ULK4: variants seen among roughly 807,000 people sequenced by gnomAD.
ULK4 encodes the protein unc-51 like kinase 4.
A neutral mutation model predicts 160.6 loss-of-function variants in ULK4; 133 were observed. The observed-to-expected ratio is 0.83, with a 90% confidence interval of 0.72 to 0.96. The LOEUF (loss-of-function observed/expected upper bound fraction) is 0.96. Among genes scored for constraint, ULK4 ranks in the 40% least tolerant of loss-of-function variants. The pLI, the probability that ULK4 is intolerant of heterozygous loss-of-function variation, is 0.00. For synonymous variants in ULK4, 534 were observed against 539.8 expected, an observed-to-expected ratio of 0.99 and a Z score of 0.15; for missense variants, 1,580 against 1,499.5, an observed-to-expected ratio of 1.05 and a Z score of -0.89.
intron 32 of ULK4, among the ~76,000 whole-genome samples, chr3:41,506,302 G>A (rs2085370101): frequency 6.6e-6 from 1 of 152,146 alleles, no homozygotes; most frequent in African/African-American, 2.4e-5. Flanking sequence ...CCAGGCTGCT[G>A]TATCTATCTT....
chr3:41,354,096 C>T (rs1289855074), intron 35 of ULK4, among the ~76,000 whole-genome samples: 1 of 152,156 alleles, frequency 6.6e-6, no homozygotes, highest in African/African-American at 2.4e-5. Flanking sequence ...GCCAAGGAAA[C>T]TCATCCCAGA....
chr3:41,847,666 C>T (rs779198041), intron 17 of ULK4, among the ~76,000 whole-genome samples: 1 of 152,168 alleles, frequency 6.6e-6, no homozygotes, highest in African/African-American at 2.4e-5. Flanking sequence ...ACACTACTTT[C>T]AATGACACAA....
intron 17 of ULK4, chr3:41,859,477 A>C: frequency 7.3e-6 from 4 of 549,010 alleles, no homozygotes; most frequent in South Asian, 5.5e-5. Context: ...GGTCACCAAT[A>C]TGGTAATGAT....
chr3:41,454,979 T>G (rs1032844625), intron 34 of ULK4, among the ~76,000 whole-genome samples: 5 of 152,156 alleles, frequency 3.3e-5, no homozygotes, highest in African/African-American at 1.2e-4. Flanking sequence ...TAAAACTGTT[T>G]AATACGTCCA....
chr3:41,528,960 T>G (rs2086211935), intron 32 of ULK4, among the ~76,000 whole-genome samples: 1 of 152,192 alleles, frequency 6.6e-6, no homozygotes, highest in Non-Finnish European at 1.5e-5. Context: ...AGCCTTCACA[T>G]GTACCTCCAA....
intron 18 of ULK4, among the ~76,000 whole-genome samples, chr3:41,834,386 C>G (rs2041691802): frequency 6.6e-6 from 1 of 151,966 alleles, no homozygotes. Context: ...AGTACAATTC[C>G]AAATGTGATT....
At chr3:41,683,377 G>A (rs2035984906) in intron 27 of ULK4, among the ~76,000 whole-genome samples, 1 of 151,840 alleles carries the variant, frequency 6.6e-6, no homozygotes, top group South Asian at 2.1e-4. Flanking sequence ...ATTCATTCAG[G>A]GCTTGTCTGC....
At chr3:41,600,698 T>C (rs1393553361) in intron 31 of ULK4, among the ~76,000 whole-genome samples, 1 of 152,210 alleles carries the variant, frequency 6.6e-6, no homozygotes, top group Non-Finnish European at 1.5e-5. Flanking sequence ...TAACTTACAC[T>C]ATACTGGATT....
chr3:41,935,223 T>A (rs1204466728), intron 4 of ULK4, among the ~76,000 whole-genome samples: 567 of 10,020 alleles, frequency 0.057, 15 homozygotes, highest in African/African-American at 0.082. Context: ...TTTTTTTTTT[T>A]TTTTTTTTTT....
chr3:41,394,367 A>T (rs1257915764), intron 35 of ULK4, among the ~76,000 whole-genome samples: 1 of 152,088 alleles, frequency 6.6e-6, no homozygotes, highest in African/African-American at 2.4e-5. Flanking sequence ...CAAGTGTACT[A>T]ACCTCAGTAC....
intron 31 of ULK4, among the ~76,000 whole-genome samples, chr3:41,578,777 A>T (rs2029929543): frequency 6.6e-6 from 1 of 152,232 alleles, no homozygotes; most frequent in Non-Finnish European, 1.5e-5. Context: ...TATGTGCTGG[A>T]CAAGTGGGAA....
rs577520166 is a variant in ULK4, at chr3:41,280,207, A to G, written c.3679-30633T>C. On this transcript the variant is annotated intron_variant, in intron 35 of 36. Transcript: ENST00000301831. ...AGACTTAGACTCCTACACAATAATAATGGGAGACTTTAATACCACATTGTC... is the reference window on the plus strand; with the variant it reads ...AGACTTAGACTCCTACACAATAATAGTGGGAGACTTTAATACCACATTGTC... 2.3e-4 allele frequency among the ~76,000 whole-genome samples: 35 copies of G among 152,306 alleles called. 1 individual carries two copies. The South Asian group carries it at 6.4e-3, about 28-fold the overall frequency.
At chr3:41,841,812 G>A (rs2041935682) in intron 17 of ULK4, among the ~76,000 whole-genome samples, 2 of 152,158 alleles carry the variant, frequency 1.3e-5, no homozygotes, top group Admixed American at 1.3e-4. Context: ...CTTCTGCCTT[G>A]GGATGCTGTT....
chr3:41,411,450 CAG>C (rs2082408063), intron 34 of ULK4, among the ~76,000 whole-genome samples: 1 of 143,806 alleles, frequency 7.0e-6, no homozygotes, highest in African/African-American at 2.7e-5. Flanking sequence ...TATTTTGAGA[CAG>C]AGTCTCACTC....
intron 35 of ULK4, among the ~76,000 whole-genome samples, chr3:41,256,319 C>T (rs1315041653): frequency 6.6e-6 from 1 of 152,182 alleles, no homozygotes; most frequent in Admixed American, 6.5e-5. Context: ...ATTTAGCCAT[C>T]ATACTACCCA....
At chr3:41,762,318 C>T (rs2039008987) in intron 21 of ULK4, among the ~76,000 whole-genome samples, 1 of 152,058 alleles carries the variant, frequency 6.6e-6, no homozygotes, top group African/African-American at 2.4e-5. Flanking sequence ...TACCATCATT[C>T]TGTTCTTTAT....
chr3:41,677,064 G>A (rs541761461), intron 29 of ULK4, among the ~76,000 whole-genome samples: 15 of 151,696 alleles, frequency 9.9e-5, no homozygotes, highest in African/African-American at 2.9e-4. Flanking sequence ...GCACCACCAC[G>A]CCTGGATAAT....
intron 15 of ULK4, among the ~76,000 whole-genome samples, chr3:41,896,518 T>C (rs566011661): frequency 6.6e-6 from 1 of 152,206 alleles, no homozygotes; most frequent in African/African-American, 2.4e-5. Flanking sequence ...CCTCCCAAAG[T>C]GCTGGGATTA....
At chr3:41,715,016 T>C (rs2125841872) in intron 25 of ULK4, among the ~76,000 whole-genome samples, 1 of 152,318 alleles carries the variant, frequency 6.6e-6, no homozygotes, top group East Asian at 1.9e-4. Context: ...TTACCCTATT[T>C]GGGCTGTCTC....
Sources: allele counts gnomAD v4.1 joint callset (sites outside exome capture counted in the v4.1 genomes callset), GRCh38; gene constraint gnomAD v4.1.1; transcripts MANE v1.5; gene names NCBI Gene and HGNC (gene_info 2026-07-23, HGNC 2026-07-21).